Variants in PACSIN1 observed in about 807,000 individuals in gnomAD.
The protein encoded by PACSIN1 is protein kinase C and casein kinase substrate in neurons protein 1.
Under a neutral mutation model 59.5 loss-of-function variants are expected in PACSIN1, and 15 were observed. The observed-to-expected ratio is 0.25, with a 90% CI of 0.17 to 0.39. PACSIN1 has a LOEUF of 0.39. Among genes scored for constraint, PACSIN1 ranks in the 10% least tolerant of loss-of-function variants. The pLI is 1.00. For missense variants in PACSIN1, 420 were observed against 580.2 expected, an observed-to-expected ratio of 0.72 and a Z score of 2.84; for synonymous variants, 210 against 220.6, an observed-to-expected ratio of 0.95 and a Z score of 0.42.
intron 3 of PACSIN1, among the ~76,000 whole-genome samples, chr6:34,528,077 C>T (rs1038127920): frequency 2.6e-5 from 4 of 152,222 alleles, no homozygotes; most frequent in African/African-American, 9.6e-5. Context: ...TTTGAAGTTG[C>T]GGTTTACATA....
rs1398340645 is a variant in PACSIN1, at chr6:34,534,819, C to T, written c.*2289C>T. Reference sequence around the variant, plus strand: ...TGGAAGTCCCCCTGAGCTCCAGGGCCCAGCCCTACCTGCCAGTGCTGGTGT... The same window carrying T: ...TGGAAGTCCCCCTGAGCTCCAGGGCTCAGCCCTACCTGCCAGTGCTGGTGT... On this transcript the variant is annotated 3_prime_UTR_variant, in exon 10 of 10. Transcript: ENST00000244458. 1 of 152,808 alleles carries T rather than the reference C, an allele frequency of 6.5e-6. No homozygotes were observed. The highest frequency in any genetic ancestry group is 1.5e-5 in the Non-Finnish European group (1 of 68,152). 9.5% of individuals were successfully genotyped at this position (152,808 alleles called of 1,614,324 possible).
intron 1 of PACSIN1, among the ~76,000 whole-genome samples, chr6:34,475,278 C>T (rs920257238): frequency 1.3e-5 from 2 of 151,656 alleles, no homozygotes; most frequent in South Asian, 2.1e-4. Flanking sequence ...ACATTGCTAG[C>T]TCCTCTACTT....
chr6:34,519,123 A>G (rs1034430574), intron 1 of PACSIN1, among the ~76,000 whole-genome samples: 4 of 152,118 alleles, frequency 2.6e-5, no homozygotes, highest in Non-Finnish European at 5.9e-5. Flanking sequence ...AGGAGGGGCC[A>G]GCCACAGAGG....
At chr6:34,494,969 T>A (rs146614293) in intron 1 of PACSIN1, among the ~76,000 whole-genome samples, 1 of 152,316 alleles carries the variant, frequency 6.6e-6, no homozygotes, top group Non-Finnish European at 1.5e-5. Flanking sequence ...GTTTTCCCAT[T>A]ATGGTATTTA....
intron 1 of PACSIN1, among the ~76,000 whole-genome samples, chr6:34,476,730 G>A (rs977244672): frequency 1.3e-5 from 2 of 152,206 alleles, no homozygotes; most frequent in African/African-American, 4.8e-5. Context: ...GCACCAGCTG[G>A]CCTGGTAAGC....
At chr6:34,491,850 G>T (rs1766882282) in intron 1 of PACSIN1, among the ~76,000 whole-genome samples, 1 of 151,966 alleles carries the variant, frequency 6.6e-6, no homozygotes, top group African/African-American at 2.4e-5. Flanking sequence ...GACCTCAGGT[G>T]ATCCACCCGC....
At chr6:34,471,315 G>T (rs939485632) in intron 1 of PACSIN1, among the ~76,000 whole-genome samples, 4 of 152,182 alleles carry the variant, frequency 2.6e-5, no homozygotes. Context: ...GAGAGGGTGA[G>T]AATTTTCTGT....
chr6:34,523,633 G>A (rs1767435473), intron 1 of PACSIN1, among the ~76,000 whole-genome samples: 1 of 152,236 alleles, frequency 6.6e-6, no homozygotes, highest in Non-Finnish European at 1.5e-5. Flanking sequence ...TTGCCCACAG[G>A]GAGTGCCAGG....
intron 1 of PACSIN1, among the ~76,000 whole-genome samples, chr6:34,517,604 T>C (rs1767315587): frequency 1.3e-5 from 2 of 151,976 alleles, no homozygotes; most frequent in Admixed American, 1.3e-4. Flanking sequence ...TTGCATGGGC[T>C]GTTCAGGCTG....
At chr6:34,469,752 C>A (rs1766546256) in intron 1 of PACSIN1, among the ~76,000 whole-genome samples, 1 of 152,166 alleles carries the variant, frequency 6.6e-6, no homozygotes, top group South Asian at 2.1e-4. Context: ...AGCACCCACC[C>A]CCTGGGGCAA....
At chr6:34,519,668 G>C (rs1453453863) in intron 1 of PACSIN1, among the ~76,000 whole-genome samples, 1 of 152,096 alleles carries the variant, frequency 6.6e-6, no homozygotes, top group Non-Finnish European at 1.5e-5. Context: ...CTGTGCACTG[G>C]GCACTCATTT....
intron 1 of PACSIN1, among the ~76,000 whole-genome samples, chr6:34,497,770 G>A (rs1182278322): frequency 6.6e-6 from 1 of 152,184 alleles, no homozygotes; most frequent in African/African-American, 2.4e-5. Flanking sequence ...ATGGCATGGT[G>A]CTGGGAGGCC....
At position 34,532,450 on chromosome 6, in the gene PACSIN1, G is replaced by T; in HGVS notation, c.1255G>T (p.Asp419Tyr). 6.3e-7 allele frequency: 1 copy of T among 1,575,744 alleles called. No homozygotes were observed. The highest frequency in any genetic ancestry group is 8.6e-7 in the Non-Finnish European group (1 of 1,160,216). The change falls in exon 10 of 10, where the codon GAT becomes TAT. Residue 419 changes from aspartate to tyrosine, a missense_variant. Coordinates refer to ENST00000244458, the MANE Select transcript of PACSIN1 (RefSeq NM_020804.5). This position sits in a 1 kb window ranked among gnomAD's most constrained non-coding sequence, Gnocchi z 5.2. ...GDELTKLGEE[D>Y]EQGWCRGRLD... ...CGAACTCACCAAGCTGGGCGAGGAG[G>T]ATGAGCAGGGCTGGTGCCGTGGGCG...
chr6:34,527,625 C>T, intron 3 of PACSIN1, 137 bp downstream of exon 3: 1 of 674,194 alleles, frequency 1.5e-6, no homozygotes, highest in Non-Finnish European at 2.2e-6. Flanking sequence ...GCGCTGTTCC[C>T]TCCTAGATCA....
intron 3 of PACSIN1, 196 bp downstream of exon 3, chr6:34,527,684 T>TAA (rs61312305): frequency 3.0e-4 from 102 of 339,892 alleles, no homozygotes; most frequent in South Asian, 5.2e-4. Flanking sequence ...TAGGTTGAAT[T>TAA]AAAAAAAAAA....
chr6:34,511,502 C>T (rs980890611), intron 1 of PACSIN1, among the ~76,000 whole-genome samples: 3 of 152,190 alleles, frequency 2.0e-5, no homozygotes, highest in African/African-American at 7.2e-5. Flanking sequence ...GCACCATGCA[C>T]AGTGCCTAGA....
intron 1 of PACSIN1, among the ~76,000 whole-genome samples, chr6:34,466,571 T>C (rs1363005961): frequency 1.3e-5 from 2 of 152,166 alleles, no homozygotes; most frequent in Non-Finnish European, 2.9e-5. Flanking sequence ...CTTGGGAAGC[T>C]GGGGCCTGGG....
chr6:34,528,915 G>GGGGGGGGGGGGGGGGC lies in PACSIN1; in HGVS notation c.456+38_456+39insGGGGGGGGGGGGGGGC. ...TGCTGCCACGGGCGGGGTGGGGTGG[G>GGGGGGGGGGGGGGGGC]CCCGTCTGATCAGAGGGTGCTGATC... On this transcript the variant is annotated intron_variant, in intron 4 of 9. Coordinates refer to ENST00000244458, the MANE Select transcript of PACSIN1 (RefSeq NM_020804.5). 7 of 653,162 alleles carry GGGGGGGGGGGGGGGGC rather than the reference G, an allele frequency of 1.1e-5. No individual in the cohort carries two copies. In the East Asian group the frequency reaches 1.3e-4, roughly 12 times the overall value. The allele number at this position is 653,162 out of a possible 1,614,324, so 40.5% of individuals were successfully genotyped here.
chr6:34,521,768 T>C lies in PACSIN1; in HGVS notation c.-63-4475T>C, dbSNP rs1767396705. On this transcript the variant is annotated intron_variant, in intron 1 of 9. Transcript: ENST00000244458. This position sits in a 1 kb window ranked among gnomAD's most constrained non-coding sequence, Gnocchi z 4.3. ...CGACACCTGTGGAGAGCTCGCCGTG[T>C]GTCAGGCGCGGTCCAGTGGCCCGAG... Among the ~76,000 whole-genome samples, 1 of 151,538 alleles carries C rather than the reference T, an allele frequency of 6.6e-6. No individual in the cohort carries two copies. The highest frequency in any genetic ancestry group is 1.9e-4 in the East Asian group (1 of 5,132).
Sources: allele counts gnomAD v4.1 joint callset (sites outside exome capture counted in the v4.1 genomes callset), GRCh38; gene constraint gnomAD v4.1.1; non-coding constraint Gnocchi (gnomAD v3.1); transcripts MANE v1.5; gene names NCBI Gene and HGNC (gene_info 2026-07-23, HGNC 2026-07-21).